Variants in KCNQ5 observed in about 807,000 individuals in gnomAD.
The protein encoded by KCNQ5 is potassium voltage-gated channel subfamily Q member 5.
In KCNQ5, 30 loss-of-function variants were observed where a neutral mutation model predicts 98.2. The observed-to-expected ratio is 0.31, with a 90% CI of 0.23 to 0.41. The LOEUF (loss-of-function observed/expected upper bound fraction) is 0.41, where lower values mean the gene tolerates loss of function less well. Ranked by LOEUF, KCNQ5 falls within the 10% of genes least tolerant of loss-of-function variation. The pLI, the probability that KCNQ5 is intolerant of heterozygous loss-of-function variation, is 1.00. For synonymous variants in KCNQ5, 458 were observed against 449.4 expected, an observed-to-expected ratio of 1.02 and a Z score of -0.24; for missense variants, 835 against 1,182.5, an observed-to-expected ratio of 0.71 and a Z score of 4.31.
chr6:72,963,936 G>A (rs148720010), intron 1 of KCNQ5, among the ~76,000 whole-genome samples: 9 of 152,286 alleles, frequency 5.9e-5, no homozygotes, highest in South Asian at 2.1e-4. Flanking sequence ...TTACAGGTAA[G>A]AGCCAACTCA....
At chr6:72,962,495 A>AT in intron 1 of KCNQ5, among the ~76,000 whole-genome samples, 1 of 151,926 alleles carries the variant, frequency 6.6e-6, no homozygotes, top group East Asian at 1.9e-4. Flanking sequence ...AGCTACTGAA[A>AT]TTTTTTAAAA....
chr6:73,086,147 T>C (rs990100579), intron 5 of KCNQ5, among the ~76,000 whole-genome samples: 1 of 152,148 alleles, frequency 6.6e-6, no homozygotes, highest in Non-Finnish European at 1.5e-5. Context: ...ATATTCCCTC[T>C]CTCTGACATT....
intron 1 of KCNQ5, among the ~76,000 whole-genome samples, chr6:72,786,126 G>A (rs1349174771): frequency 1.3e-5 from 2 of 152,170 alleles, no homozygotes; most frequent in African/African-American, 2.4e-5. Flanking sequence ...TTATTAGTGA[G>A]ATATGTTATA....
At chr6:72,777,960 T>C (rs1773243611) in intron 1 of KCNQ5, among the ~76,000 whole-genome samples, 1 of 152,192 alleles carries the variant, frequency 6.6e-6, no homozygotes, top group Admixed American at 6.5e-5. Context: ...GAATATTCAG[T>C]TAGAGAAAAT....
intron 1 of KCNQ5, among the ~76,000 whole-genome samples, chr6:72,635,173 C>T (rs1338316206): frequency 1.3e-5 from 2 of 151,378 alleles, no homozygotes; most frequent in East Asian, 3.9e-4. Flanking sequence ...ACCACAGGCA[C>T]AGACCACCAT....
chr6:72,745,521 A>G (rs1352335884), intron 1 of KCNQ5, among the ~76,000 whole-genome samples: 1 of 152,166 alleles, frequency 6.6e-6, no homozygotes, highest in Non-Finnish European at 1.5e-5. Flanking sequence ...GCCTACATTT[A>G]TGGGAATAAT....
chr6:72,803,827 A>T (rs1304896842), intron 1 of KCNQ5, among the ~76,000 whole-genome samples: 1 of 152,080 alleles, frequency 6.6e-6, no homozygotes, highest in Non-Finnish European at 1.5e-5. Flanking sequence ...GTTCTTCTAA[A>T]CTGTTATAAA....
intron 10 of KCNQ5, among the ~76,000 whole-genome samples, chr6:73,153,435 T>G (rs1316212814): frequency 6.6e-6 from 1 of 152,226 alleles, no homozygotes; most frequent in Non-Finnish European, 1.5e-5. Context: ...ACTTCTGTCT[T>G]AATTATATGT....
intron 3 of KCNQ5, among the ~76,000 whole-genome samples, chr6:73,066,074 A>T (rs958272613): frequency 1.3e-5 from 2 of 152,194 alleles, no homozygotes; most frequent in Non-Finnish European, 2.9e-5. Context: ...TGAACCCGAG[A>T]GGCGGAGGTT....
chr6:72,954,212 CT>C (rs1766937311), intron 1 of KCNQ5, among the ~76,000 whole-genome samples: 1 of 152,158 alleles, frequency 6.6e-6, no homozygotes, highest in African/African-American at 2.4e-5. Flanking sequence ...AACTATAGGT[CT>C]GTGTTAGAGA....
chr6:72,729,435 G>C (rs953085078), intron 1 of KCNQ5, among the ~76,000 whole-genome samples: 1 of 152,116 alleles, frequency 6.6e-6, no homozygotes, highest in African/African-American at 2.4e-5. Flanking sequence ...CTACAGGCGT[G>C]TGCCACCACA....
At chr6:72,951,175 T>C (rs1348285297) in intron 1 of KCNQ5, among the ~76,000 whole-genome samples, 1 of 152,216 alleles carries the variant, frequency 6.6e-6, no homozygotes, top group Non-Finnish European at 1.5e-5. Flanking sequence ...ACTTTCTTGT[T>C]CTTCTCAGAT....
At chr6:72,655,025 T>TTTCTTTCC (rs879428480) in intron 1 of KCNQ5, among the ~76,000 whole-genome samples, 3,362 of 89,576 alleles carry the variant, frequency 0.038, 164 homozygotes, top group East Asian at 0.15. Context: ...AAGGTCTGTC[T>TTTCTTTCC]GTCTTTCTTT....
chr6:72,707,217 A>AT (rs1181639286), intron 1 of KCNQ5, among the ~76,000 whole-genome samples: 1 of 152,194 alleles, frequency 6.6e-6, no homozygotes, highest in Admixed American at 6.5e-5. Context: ...TCAAATCTGG[A>AT]TTTTACGAAT....
chr6:72,702,940 C>A (rs1014482378), intron 1 of KCNQ5, among the ~76,000 whole-genome samples: 1 of 151,932 alleles, frequency 6.6e-6, no homozygotes, highest in Non-Finnish European at 1.5e-5. Context: ...CCTGCCATCA[C>A]TGACCTGCCT....
chr6:73,120,859 G>A (rs999032066), intron 8 of KCNQ5, among the ~76,000 whole-genome samples: 3 of 151,960 alleles, frequency 2.0e-5, no homozygotes, highest in East Asian at 1.9e-4. Context: ...GTCTCATTTC[G>A]TAAAGCCCAC....
intron 1 of KCNQ5, among the ~76,000 whole-genome samples, chr6:73,002,599 G>C (rs961227818): frequency 1.3e-5 from 2 of 152,104 alleles, no homozygotes; most frequent in African/African-American, 4.8e-5. Context: ...AACATGTTGG[G>C]ATAAATATAA....
At chr6:73,023,816 G>A (rs1056180133) in intron 2 of KCNQ5, among the ~76,000 whole-genome samples, 2 of 152,088 alleles carry the variant, frequency 1.3e-5, no homozygotes, top group African/African-American at 4.8e-5. Flanking sequence ...ATTGCATTGA[G>A]GACTTATTGA....
chr6:72,873,231 C>T (rs865942976), intron 1 of KCNQ5, among the ~76,000 whole-genome samples: 4 of 151,976 alleles, frequency 2.6e-5, no homozygotes, highest in South Asian at 2.1e-4. Flanking sequence ...TAAAATGTAC[C>T]AATTGAATAT....
Sources: gnomAD v4.1 joint callset for allele counts (sites outside exome capture counted in the v4.1 genomes callset) on GRCh38, gnomAD v4.1.1 for gene constraint, MANE v1.5 for transcripts, NCBI Gene and HGNC (gene_info 2026-07-23, HGNC 2026-07-21) for gene names.